The following CARMIL1 variants were observed in gnomAD, a reference collection of about 807,000 sequenced individuals.
CARMIL1 encodes capping protein regulator and myosin 1 linker 1.
CARMIL1 carries 90 observed loss-of-function variants against 177.1 expected under a neutral mutation model. That is an observed-to-expected ratio of 0.51 (90% CI 0.43 to 0.61). CARMIL1 has a LOEUF of 0.61. Ranked by LOEUF, CARMIL1 falls within the 20% of genes least tolerant of loss-of-function variation. The pLI is 0.00. For missense variants in CARMIL1, 1,380 were observed against 1,667.0 expected, an observed-to-expected ratio of 0.83 and a Z score of 3.00; for synonymous variants, 577 against 606.2, an observed-to-expected ratio of 0.95 and a Z score of 0.71.
chr6:25,297,693 G>A (rs944432444), intron 2 of CARMIL1, among the ~76,000 whole-genome samples: 1 of 152,202 alleles, frequency 6.6e-6, no homozygotes, highest in Non-Finnish European at 1.5e-5. Context: ...TTTAATGAAA[G>A]TGGCATCTGT....
At chr6:25,615,942 C>T (rs980239825) in intron 36 of CARMIL1, among the ~76,000 whole-genome samples, 1 of 152,138 alleles carries the variant, frequency 6.6e-6, no homozygotes, top group Non-Finnish European at 1.5e-5. Flanking sequence ...AAATCATCTT[C>T]AAGAATGACA....
intron 2 of CARMIL1, among the ~76,000 whole-genome samples, chr6:25,363,356 A>T (rs538508620): frequency 3.0e-4 from 46 of 152,094 alleles, no homozygotes; most frequent in African/African-American, 1.0e-3. Context: ...CTAGTGTTCC[A>T]TGGAGAACAC....
chr6:25,384,296 C>T (rs553755233), intron 2 of CARMIL1, among the ~76,000 whole-genome samples: 3 of 152,354 alleles, frequency 2.0e-5, no homozygotes, highest in Non-Finnish European at 4.4e-5. Context: ...AGCAACAGCA[C>T]GTTTTGTTGG....
At chr6:25,417,022 T>A (rs1464943870) in intron 2 of CARMIL1, among the ~76,000 whole-genome samples, 1 of 152,196 alleles carries the variant, frequency 6.6e-6, no homozygotes, top group Non-Finnish European at 1.5e-5. Flanking sequence ...ACTGGCTTCC[T>A]ATAGCCATGC....
chr6:25,615,348 G>A (rs1447928778), intron 36 of CARMIL1, among the ~76,000 whole-genome samples: 1 of 152,140 alleles, frequency 6.6e-6, no homozygotes, highest in African/African-American at 2.4e-5. Flanking sequence ...ATTATGTTTT[G>A]TGTGGCTACT....
chr6:25,397,741 T>C (rs1229152759), intron 2 of CARMIL1, among the ~76,000 whole-genome samples: 1 of 152,158 alleles, frequency 6.6e-6, no homozygotes, highest in Non-Finnish European at 1.5e-5. Flanking sequence ...GTTTCTTCCT[T>C]GGGACATCAT....
rs570808914 is a variant in CARMIL1 at position 25,346,297 on chromosome 6, A to G, written c.138+61388A>G. 7.2e-5 allele frequency among the ~76,000 whole-genome samples: 11 copies of G among 151,942 alleles called. No homozygotes were observed. The South Asian group carries it at 2.3e-3, about 32-fold the overall frequency. ...CCCTCTGGTCTTGCTGTTTCTTGAAACAGTCCAGGCCTGAGTCTACCTCAG... is the reference window on the plus strand; with the variant it reads ...CCCTCTGGTCTTGCTGTTTCTTGAAGCAGTCCAGGCCTGAGTCTACCTCAG... On this transcript the variant is annotated intron_variant, in intron 2 of 36. Transcript: ENST00000329474.
Position 25,558,383 on chromosome 6 carries a change from C to T in CARMIL1, c.2742+1533C>T, listed in dbSNP as rs1327646445. ...AGTTGGTTATGAAAGACTGGCTCAC[C>T]TACTGTAACGTTGGTTTTAAACTGT... is the stretch of plus-strand genomic sequence containing the variant. On this transcript the variant is annotated intron_variant, in intron 29 of 36. Coordinates refer to ENST00000329474, the MANE Select transcript of CARMIL1 (RefSeq NM_017640.6). This position sits in a 1 kb window ranked among gnomAD's most constrained non-coding sequence, Gnocchi z 4.1. Among the ~76,000 whole-genome samples, 1 of 152,162 alleles carries T rather than the reference C, an allele frequency of 6.6e-6. No individual in the cohort carries two copies. The highest frequency in any genetic ancestry group is 2.4e-5 in the African/African-American group (1 of 41,416).
chr6:25,585,581 A>G (rs116265652), intron 31 of CARMIL1, among the ~76,000 whole-genome samples: 2,955 of 152,218 alleles, frequency 0.019, 82 homozygotes, highest in African/African-American at 0.061. Context: ...GATCATTCTT[A>G]GGTGTTTCTC....
At chr6:25,487,774 A>G (rs1422769260) in intron 12 of CARMIL1, among the ~76,000 whole-genome samples, 2 of 152,310 alleles carry the variant, frequency 1.3e-5, no homozygotes, top group East Asian at 1.9e-4. Context: ...CCCACCTATA[A>G]GAGAACTTAG....
At chr6:25,347,452 T>C (rs55708418) in intron 2 of CARMIL1, among the ~76,000 whole-genome samples, 6,915 of 152,332 alleles carry the variant, frequency 0.045, 219 homozygotes, top group Middle Eastern at 0.11. Context: ...TATTTTCTGG[T>C]TTCCCTTAGT....
Position 25,279,662 on chromosome 6 carries a change from G to T in CARMIL1, c.-134G>T. 2.8e-6 allele frequency: 2 copies of T among 726,124 alleles called. No individual in the cohort carries two copies. Among genetic ancestry groups the T allele is most frequent in the Non-Finnish European group, 4.8e-6 (2 of 414,550 alleles). The allele number at this position is 726,124 out of a possible 1,614,324, so 45.0% of individuals were successfully genotyped here. On this transcript the variant is annotated 5_prime_UTR_variant, in exon 1 of 37. Coordinates refer to ENST00000329474, the MANE Select transcript of CARMIL1 (RefSeq NM_017640.6). ...GGGCGCGCGGCAAAATTCTGTCTCCGCCCCCCCTTTTCTTGCCCACTTCCA... is the reference window on the plus strand; with the variant it reads ...GGGCGCGCGGCAAAATTCTGTCTCCTCCCCCCCTTTTCTTGCCCACTTCCA...
chr6:25,315,296 A>G (rs1439597570), intron 2 of CARMIL1, among the ~76,000 whole-genome samples: 1 of 152,192 alleles, frequency 6.6e-6, no homozygotes, highest in Non-Finnish European at 1.5e-5. Context: ...TCTCTTACAT[A>G]CCAATTCTAA....
intron 2 of CARMIL1, among the ~76,000 whole-genome samples, chr6:25,355,843 T>C (rs1788540066): frequency 6.6e-6 from 1 of 152,180 alleles, no homozygotes; most frequent in Non-Finnish European, 1.5e-5. Context: ...TTCAGTAAAG[T>C]ATATTGACAT....
At chr6:25,328,287 G>A (rs986973146) in intron 2 of CARMIL1, among the ~76,000 whole-genome samples, 1 of 152,150 alleles carries the variant, frequency 6.6e-6, no homozygotes, top group Non-Finnish European at 1.5e-5. Flanking sequence ...AGGAGATCGA[G>A]TCATGGTAAG....
intron 8 of CARMIL1, among the ~76,000 whole-genome samples, chr6:25,463,354 A>C (rs991381791): frequency 5.3e-5 from 8 of 152,216 alleles, no homozygotes; most frequent in Non-Finnish European, 1.2e-4. Flanking sequence ...TGTATACCTT[A>C]AAAATTTAAT....
intron 2 of CARMIL1, among the ~76,000 whole-genome samples, chr6:25,342,174 T>C (rs2150327328): frequency 6.6e-6 from 1 of 152,314 alleles, no homozygotes; most frequent in East Asian, 1.9e-4. Context: ...GGTGATTCGA[T>C]CATTAAGCTT....
At chr6:25,364,546 T>C (rs2150405915) in intron 2 of CARMIL1, among the ~76,000 whole-genome samples, 2 of 152,274 alleles carry the variant, frequency 1.3e-5, no homozygotes, top group Middle Eastern at 3.4e-3. Flanking sequence ...ATAGCAATCC[T>C]ATATGGATTC....
At chr6:25,419,352 A>T (rs1279565949) in intron 2 of CARMIL1, among the ~76,000 whole-genome samples, 4 of 152,210 alleles carry the variant, frequency 2.6e-5, no homozygotes, top group Non-Finnish European at 4.4e-5. Context: ...GAAAAGACTC[A>T]TGAGGCCTGT....
Sources: gnomAD v4.1 joint callset for allele counts (sites outside exome capture counted in the v4.1 genomes callset) on GRCh38, gnomAD v4.1.1 for gene constraint, Gnocchi (gnomAD v3.1) non-coding constraint, MANE v1.5 for transcripts, NCBI Gene and HGNC (gene_info 2026-07-23, HGNC 2026-07-21) for gene names.